UTP20: variants seen among roughly 807,000 people sequenced by gnomAD.
UTP20 encodes UTP20 small subunit processome component.
A neutral mutation model predicts 329.5 loss-of-function variants in UTP20; 164 were observed. That is an observed-to-expected ratio of 0.50 (90% confidence interval 0.44 to 0.57). UTP20 has a LOEUF of 0.57. Among genes scored for constraint, UTP20 ranks in the 20% least tolerant of loss-of-function variants. The pLI is 0.00. For missense variants in UTP20, 3,055 were observed against 3,284.2 expected (o/e 0.93, Z 1.71); for synonymous variants, 1,151 against 1,159.3 (o/e 0.99, Z 0.14).
At chr12:101,377,203 T>C (rs1232589349) in intron 56 of UTP20, among the ~76,000 whole-genome samples, 1 of 152,226 alleles carries the variant, frequency 6.6e-6, no homozygotes, top group African/African-American at 2.4e-5. Flanking sequence ...TGTGGCTTCA[T>C]TGCAACATGG....
chr12:101,327,188 C>T lies in UTP20; in HGVS notation c.3149C>T (p.Pro1050Leu). Residue 1050 changes from proline (P) to leucine (L), a missense_variant, in exon 26 of 62, where the codon CCT becomes CTT. Pro to Leu is a moderately conservative substitution (Grantham distance 98, BLOSUM62 -3). This residue lies in a region of UTP20 where 2,445 missense variants were observed against 2,575.5 expected (regional missense o/e 0.95). Coordinates refer to ENST00000261637, the MANE Select transcript of UTP20 (RefSeq NM_014503.3). Reference protein sequence around the residue: ...IVLRFLAGTQPEEIQIFLDLL... With the variant: ...IVLRFLAGTQLEEIQIFLDLL... ...CTGCGGTTCCTGGCCGGGACCCAAC[C>T]TGAGGAGATCCAGATATTCTTAGAC... is the stretch of plus-strand genomic sequence containing the variant. 2.5e-6 allele frequency: 4 copies of T among 1,612,602 alleles called. No homozygotes were observed. The highest frequency in any genetic ancestry group is 3.4e-6 in the Non-Finnish European group (4 of 1,178,730).
rs1869195968 is a variant in UTP20, at chr12:101,343,012, C to T, written c.4368C>T (p.Ile1456=). The T allele has an allele frequency of 1.2e-6, 2 of 1,613,594 alleles. No homozygotes were observed. The highest frequency in any genetic ancestry group is 1.3e-5 in the African/African-American group (1 of 74,934). Residue 1456 remains isoleucine (I), a synonymous_variant, in exon 35 of 62, where the codon ATC becomes ATT. Coordinates refer to ENST00000261637, the MANE Select transcript of UTP20 (RefSeq NM_014503.3). ...FDVRFETFQT[I]TSYIKEMQIV... is the part of the protein sequence containing the mutation. The stretch of plus-strand genomic sequence containing the variant: ...TTCGCTTTGAGACTTTCCAGACCAT[C>T]ACCTCTTACATTAAAGAAATGCAAA...
chr12:101,294,573 C>T (rs1429992068), intron 11 of UTP20, among the ~76,000 whole-genome samples: 3 of 138,502 alleles, frequency 2.2e-5, no homozygotes, highest in Non-Finnish European at 4.5e-5. Flanking sequence ...GACATAGTCT[C>T]ACTCTGTCAC....
At chr12:101,320,294 G>A (rs910863085) in intron 23 of UTP20, among the ~76,000 whole-genome samples, 3 of 152,074 alleles carry the variant, frequency 2.0e-5, no homozygotes, top group Non-Finnish European at 2.9e-5. Flanking sequence ...AGTAGCTCAC[G>A]CCTGTAATCC....
At chr12:101,314,396 T>C (rs547512212) in intron 21 of UTP20, among the ~76,000 whole-genome samples, 29 of 152,220 alleles carry the variant, frequency 1.9e-4, no homozygotes, top group Non-Finnish European at 3.7e-4. Context: ...CAGTGGCTCA[T>C]GCCTGTAATC....
chr12:101,342,338 C>G, intron 32 of UTP20, 108 bp from the exon 33 acceptor site: 1 of 913,800 alleles, frequency 1.1e-6, no homozygotes, highest in Non-Finnish European at 1.5e-6. Context: ...CCAATTACTA[C>G]TTTTACATCT....
intron 60 of UTP20, 137 bp from the exon 61 acceptor site, chr12:101,385,446 A>AT (rs1367356083): frequency 3.3e-4 from 325 of 994,632 alleles, no homozygotes; most frequent in Non-Finnish European, 3.7e-4. Flanking sequence ...AAGAGTTGAA[A>AT]TTTTGTTTTG....
chr12:101,285,449 A>G (rs1871929076), intron 2 of UTP20, 121 bp from the exon 3 acceptor site: 1 of 1,095,276 alleles, frequency 9.1e-7, no homozygotes, highest in South Asian at 1.7e-5. Context: ...TAAAAAACTA[A>G]AAGGAGTTCT....
Position 101,312,238 on chromosome 12 carries a change from G to A in UTP20, c.2514G>A (p.Arg838=). ...LTKFPERVEP[R]SRELSPLFLR... ...AATTCCCAGAAAGAGTAGAGCCACG[G>A]TCCAGGGAGCTTTCCCCGCTTTTCT... Residue 838 remains arginine, a synonymous_variant, in exon 21 of 62, where the codon CGG becomes CGA. Transcript: ENST00000261637. 1.2e-6 allele frequency: 2 copies of A among 1,614,198 alleles called. No individual in the cohort carries two copies. Among genetic ancestry groups the A allele is most frequent in the Non-Finnish European group, 1.7e-6 (2 of 1,180,034 alleles).
At position 101,319,638 on chromosome 12, in the gene UTP20, C is replaced by A; in HGVS notation, c.2829+3C>A. ...AACTATATGAGTTATATCTTCAGGT[C>A]AGTAAAATAAACTCTTGGCATTATA... On this transcript the variant is annotated splice_donor_region_variant and intron_variant, in intron 23 of 61. Coordinates refer to ENST00000261637, the MANE Select transcript of UTP20 (RefSeq NM_014503.3). 1.3e-6 allele frequency: 2 copies of A among 1,590,234 alleles called. No individual in the cohort carries two copies. Among genetic ancestry groups the A allele is most frequent in the South Asian group, 1.2e-5 (1 of 86,286 alleles).
intron 45 of UTP20, among the ~76,000 whole-genome samples, chr12:101,364,030 A>G (rs1280804274): frequency 6.6e-6 from 1 of 152,234 alleles, no homozygotes; most frequent in Non-Finnish European, 1.5e-5. Flanking sequence ...AGAGGCACAC[A>G]AGCCGCATAG....
At chr12:101,320,994 G>A in intron 24 of UTP20, 57 bp downstream of exon 24, 4 of 1,443,224 alleles carry the variant, frequency 2.8e-6, no homozygotes, top group Non-Finnish European at 3.8e-6. Flanking sequence ...TTATATTTCT[G>A]CCTAAGAGCC....
intron 42 of UTP20, 81 bp from the exon 43 acceptor site, chr12:101,356,845 A>C (rs1468321369): frequency 2.0e-6 from 3 of 1,496,026 alleles, no homozygotes; most frequent in Non-Finnish European, 1.8e-6. Flanking sequence ...AGTTACGAGT[A>C]ATTAAGAGAC....
chr12:101,299,745 C>G lies in UTP20; in HGVS notation c.1494C>G (p.Asp498Glu). ...GAAACGAACAGTTTCCAGTATTGGA[C>G]CATCTTTTATCTATAATTAAGTTAC... ...KGRNEQFPVL[D>E]HLLSIIKLPP... Residue 498 changes from aspartate (D) to glutamate (E), a missense_variant, in exon 13 of 62, where the codon GAC becomes GAG. Asp to Glu is a conservative substitution (Grantham distance 45). Coordinates refer to ENST00000261637, the MANE Select transcript of UTP20 (RefSeq NM_014503.3). 1 of 1,612,862 alleles carries G rather than the reference C, an allele frequency of 6.2e-7. No individual in the cohort carries two copies. Among genetic ancestry groups the G allele is most frequent in the Non-Finnish European group, 8.5e-7 (1 of 1,179,586 alleles).
chr12:101,295,584 C>T lies in UTP20; in HGVS notation c.1356C>T (p.Asn452=), dbSNP rs1385049483. ...ALAILAKLIL[N]KAAPPTAGSM... ...CCATTCTGGCCAAGCTCATTCTGAA[C>T]AAAGCAGCACCTCCCACTGCTGGCT... is the stretch of plus-strand genomic sequence containing the variant. The change falls in exon 12 of 62, where the codon AAC becomes AAT. Residue 452 remains asparagine (N), a synonymous_variant. Coordinates refer to ENST00000261637, the MANE Select transcript of UTP20 (RefSeq NM_014503.3). 6.2e-7 allele frequency: 1 copy of T among 1,613,536 alleles called. No homozygotes were observed. Among genetic ancestry groups the T allele is most frequent in the Admixed American group, 1.7e-5 (1 of 60,008 alleles).
intron 5 of UTP20, among the ~76,000 whole-genome samples, chr12:101,287,991 C>G (rs1394646722): frequency 6.6e-6 from 1 of 152,196 alleles, no homozygotes; most frequent in Non-Finnish European, 1.5e-5. Context: ...GCCCTGTGGA[C>G]CGCTGTAAGG....
At chr12:101,324,974 G>C (rs946388541) in intron 25 of UTP20, among the ~76,000 whole-genome samples, 1 of 151,760 alleles carries the variant, frequency 6.6e-6, no homozygotes, top group Non-Finnish European at 1.5e-5. Context: ...ATTGATTTTT[G>C]TGTTATTTAG....
At chr12:101,372,580 A>C (rs1870330348) in intron 51 of UTP20, among the ~76,000 whole-genome samples, 1 of 152,246 alleles carries the variant, frequency 6.6e-6, no homozygotes, top group African/African-American at 2.4e-5. Flanking sequence ...ACCACCTGTC[A>C]CAGAGAGATC....
chr12:101,343,465 G>A (rs1869215376), intron 35 of UTP20, among the ~76,000 whole-genome samples: 1 of 152,162 alleles, frequency 6.6e-6, no homozygotes, highest in Admixed American at 6.5e-5. Flanking sequence ...TCTGGAATTA[G>A]TGGTGATGAT....
Sources: gnomAD v4.1 joint callset for allele counts (sites outside exome capture counted in the v4.1 genomes callset) on GRCh38, gnomAD v4.1.1 for gene constraint, gnomAD v4.1.1 regional missense constraint, MANE v1.5 for transcripts, NCBI Gene and HGNC (gene_info 2026-07-23, HGNC 2026-07-21) for gene names.